Variants in NRG2 observed in about 807,000 individuals in gnomAD.
NRG2 encodes the protein pro-neuregulin-2, membrane-bound isoform.
NRG2 carries 27 observed loss-of-function variants against 73.9 expected under a neutral mutation model. The observed-to-expected ratio is 0.37, with a 90% CI of 0.27 to 0.50. NRG2 has a LOEUF of 0.50. NRG2 is among the 20% of genes least tolerant of loss of function. The pLI is 0.96. For synonymous variants in NRG2, 532 were observed against 541.0 expected (o/e 0.98, Z 0.23); for missense variants, 1,126 against 1,210.1 (o/e 0.93, Z 1.03).
chr5:139,946,662 CATT>C (rs1561700014), intron 1 of NRG2, among the ~76,000 whole-genome samples: 1 of 152,028 alleles, frequency 6.6e-6, no homozygotes, highest in South Asian at 2.1e-4. Flanking sequence ...CAAAGGACAT[CATT>C]AAGAAAGTGA....
At chr5:140,013,526 TTTATA>T (rs544911392) in intron 1 of NRG2, among the ~76,000 whole-genome samples, 95 of 152,326 alleles carry the variant, frequency 6.2e-4, no homozygotes, top group African/African-American at 2.2e-3. Context: ...AATGGTAAAC[TTTATA>T]TTATGTGTAT....
Position 140,043,066 on chromosome 5 carries a change from G to T in NRG2, c.4C>A (p.Arg2=), listed in dbSNP as rs755595564. The T allele has an allele frequency of 1.9e-6, 3 of 1,559,824 alleles. No individual in the cohort carries two copies. The South Asian group carries it at 3.5e-5, about 18-fold the overall frequency. Residue 2 remains arginine (R), a synonymous_variant, in exon 1 of 10, where the codon CGG becomes AGG. Coordinates refer to ENST00000361474, the MANE Select transcript of NRG2 (RefSeq NM_004883.3). This position sits in a 1 kb window ranked among gnomAD's most constrained non-coding sequence, Gnocchi z 6.7. The part of the protein sequence containing the change: M[R]QVCCSALPPP... ...GGCAGCGCTGAGCAGCAAACCTGCC[G>T]CATCTGGCCAGGCCATTTGGGGGGC...
chr5:139,939,369 G>A (rs937482104), intron 1 of NRG2, among the ~76,000 whole-genome samples: 16 of 151,676 alleles, frequency 1.1e-4, no homozygotes, highest in Admixed American at 9.9e-4. Flanking sequence ...CTGCCTCCTG[G>A]GTTCAAGCGA....
At chr5:139,917,288 G>A (rs1036007605) in intron 1 of NRG2, among the ~76,000 whole-genome samples, 2 of 152,068 alleles carry the variant, frequency 1.3e-5, no homozygotes, top group Non-Finnish European at 2.9e-5. Context: ...GTCTCACTCT[G>A]TCACCCAGGC....
At chr5:140,042,289 G>T in intron 1 of NRG2, 81 bp downstream of exon 1, 2 of 504,090 alleles carry the variant, frequency 4.0e-6, no homozygotes, top group Non-Finnish European at 4.9e-6. Flanking sequence ...CCGGGCACCT[G>T]CAGCACCTCC....
At chr5:139,934,628 A>G (rs1752712534) in intron 1 of NRG2, among the ~76,000 whole-genome samples, 1 of 152,264 alleles carries the variant, frequency 6.6e-6, no homozygotes, top group Admixed American at 6.5e-5. Flanking sequence ...CCACATCAGT[A>G]ATCACATTAA....
chr5:139,852,642 A>C lies in NRG2; in HGVS notation c.1417-83T>G. On this transcript the variant is annotated intron_variant, in intron 7 of 9. Transcript: ENST00000361474. The surrounding 1 kb of genome is among the most constrained non-coding windows in gnomAD (Gnocchi z 4.4). ...TGTTGGGGACAGGGAAGTGATGAGC[A>C]CTGACTGAGCTCCTGGTTGGGGAGA... 2 of 1,554,256 alleles carry C rather than the reference A, an allele frequency of 1.3e-6. No homozygotes were observed. Among genetic ancestry groups the C allele is most frequent in the Non-Finnish European group, 1.7e-6 (2 of 1,144,852 alleles).
chr5:139,913,284 C>G (rs377464127), intron 1 of NRG2, among the ~76,000 whole-genome samples: 1 of 152,162 alleles, frequency 6.6e-6, no homozygotes, highest in Admixed American at 6.5e-5. Flanking sequence ...TTTCTTATAC[C>G]CTGCCCCAGT....
chr5:139,851,953 C>T lies in NRG2; in HGVS notation c.1545-122G>A. The T allele has an allele frequency of 1.3e-6, 1 of 778,746 alleles. No homozygotes were observed. The highest frequency in any genetic ancestry group is 1.7e-5 in the South Asian group (1 of 58,432). 48.2% of individuals were successfully genotyped at this position (778,746 alleles called of 1,614,324 possible). ...CGAGCTCCCTTAGCTCAATGCCCTT[C>T]TCCACTCTGGGGTGATGTGTATTGT... On this transcript the variant is annotated intron_variant, in intron 8 of 9. Coordinates refer to ENST00000361474, the MANE Select transcript of NRG2 (RefSeq NM_004883.3). The surrounding 1 kb of genome is among the most constrained non-coding windows in gnomAD (Gnocchi z 4.2).
At chr5:139,881,763 T>C (rs1367333996) in intron 2 of NRG2, among the ~76,000 whole-genome samples, 1 of 152,190 alleles carries the variant, frequency 6.6e-6, no homozygotes, top group African/African-American at 2.4e-5. Context: ...GGACGTGGGC[T>C]ATCTCTGAGA....
chr5:139,921,922 T>C (rs1751695766), intron 1 of NRG2, among the ~76,000 whole-genome samples: 1 of 151,618 alleles, frequency 6.6e-6, no homozygotes, highest in Non-Finnish European at 1.5e-5. Flanking sequence ...AAATAAAAAA[T>C]TAGCCGGGCA....
Position 139,846,796 on chromosome 5 carries a change from A to C in NRG2, c.*1121T>G, listed in dbSNP as rs1278924667. ...CACAGTCAAACAGGAGTTATTTCTGATTTTATTTATAATATAAAAATGTTC... is the reference window on the plus strand; with the variant it reads ...CACAGTCAAACAGGAGTTATTTCTGCTTTTATTTATAATATAAAAATGTTC... On this transcript the variant is annotated 3_prime_UTR_variant, in exon 10 of 10. Transcript: ENST00000361474. 1 of 152,096 alleles carries C rather than the reference A, an allele frequency of 6.6e-6. No homozygotes were observed. The highest frequency in any genetic ancestry group is 1.9e-4 in the East Asian group (1 of 5,186). The allele number at this position is 152,096 out of a possible 1,614,324, so 9.4% of individuals were successfully genotyped here.
chr5:139,874,742 T>G (rs1027777553), intron 3 of NRG2, among the ~76,000 whole-genome samples: 2 of 152,230 alleles, frequency 1.3e-5, no homozygotes, highest in African/African-American at 4.8e-5. Context: ...CCCAACTTCT[T>G]CCCAGGTCTT....
In NRG2 at chr5:139,869,632, C is replaced by T. The variant is rs1762706997; in HGVS notation, c.1112+2089G>A. The T allele has an allele frequency of 6.6e-6, 1 of 152,300 alleles. No homozygotes were observed. The highest frequency in any genetic ancestry group is 2.4e-5 in the African/African-American group (1 of 41,426). 9.4% of individuals were successfully genotyped at this position (152,300 alleles called of 1,614,324 possible). A position where few individuals can be genotyped will look rare whatever the true frequency, so the allele number is the denominator to read the frequency against. ...CAAAGGGTGTTGGGGAAGTTGGTTCCAGGAACCTTGGCTGGAACCAGGGGA... is the reference window on the plus strand; with the variant it reads ...CAAAGGGTGTTGGGGAAGTTGGTTCTAGGAACCTTGGCTGGAACCAGGGGA... On this transcript the variant is annotated intron_variant, in intron 4 of 9. Transcript: ENST00000361474. The surrounding 1 kb of genome is among the most constrained non-coding windows in gnomAD (Gnocchi z 4.5).
intron 1 of NRG2, among the ~76,000 whole-genome samples, chr5:140,033,359 C>A (rs1228463579): frequency 1.1e-4 from 16 of 152,218 alleles, no homozygotes. Context: ...GCAATCCTGG[C>A]AGGACTCCAG....
intron 4 of NRG2, among the ~76,000 whole-genome samples, chr5:139,866,869 C>G (rs3777108): frequency 0.16 from 24,637 of 152,166 alleles, 2,067 homozygotes; most frequent in Middle Eastern, 0.25. Context: ...ATGCCCAGCC[C>G]TGTACTCTCT....
In NRG2 at chr5:139,954,422, C is replaced by T. The variant is rs1754462218; in HGVS notation, c.701-66911G>A. 6.6e-6 allele frequency among the ~76,000 whole-genome samples: 1 copy of T among 152,208 alleles called. No homozygotes were observed. The highest frequency in any genetic ancestry group is 6.5e-5 in the Admixed American group (1 of 15,288). ...GGGAGGGAAATTGTGCCAGCACTCT[C>T]CTGGCTGTCCTGCCTGTTTTCTCCC... On this transcript the variant is annotated intron_variant, in intron 1 of 9. Transcript: ENST00000361474. The surrounding 1 kb of genome is among the most constrained non-coding windows in gnomAD (Gnocchi z 5.0).
At chr5:139,938,850 A>AAGAG (rs61044289) in intron 1 of NRG2, among the ~76,000 whole-genome samples, 2,316 of 94,908 alleles carry the variant, frequency 0.024, 96 homozygotes, top group Admixed American at 0.051. Flanking sequence ...ACAGAAAGGG[A>AAGAG]AGAGAGAGAG....
intron 1 of NRG2, among the ~76,000 whole-genome samples, chr5:140,015,623 G>T (rs144430057): frequency 6.6e-5 from 10 of 152,300 alleles, no homozygotes; most frequent in Admixed American, 3.9e-4. Flanking sequence ...CCTGTTTCCT[G>T]CATGGCCACT....
Sources: gnomAD v4.1 joint callset for allele counts (sites outside exome capture counted in the v4.1 genomes callset) on GRCh38, gnomAD v4.1.1 for gene constraint, Gnocchi (gnomAD v3.1) non-coding constraint, MANE v1.5 for transcripts, NCBI Gene and HGNC (gene_info 2026-07-23, HGNC 2026-07-21) for gene names.